Variants in RBFOX2 observed in about 807,000 individuals in gnomAD.
RBFOX2 encodes the protein RNA binding protein fox-1 homolog 2.
A neutral mutation model predicts 49.1 loss-of-function variants in RBFOX2; 10 were observed. The ratio of observed to expected loss-of-function variants is 0.20; its 90% CI spans 0.13 to 0.35. The LOEUF is 0.35. Ranked by LOEUF, RBFOX2 falls within the 10% of genes least tolerant of loss-of-function variation. The pLI, the probability that RBFOX2 is intolerant of heterozygous loss-of-function variation, is 1.00. For missense variants in RBFOX2, 323 were observed against 486.9 expected (o/e 0.66, Z 3.17); for synonymous variants, 183 against 187.4 (o/e 0.98, Z 0.19).
intron 2 of RBFOX2, among the ~76,000 whole-genome samples, chr22:35,802,607 G>A (rs1456611081): frequency 6.6e-6 from 1 of 152,168 alleles, no homozygotes; most frequent in East Asian, 1.9e-4. Flanking sequence ...CTTGGGACAA[G>A]GGGGAGATTG....
chr22:36,002,777 C>G (rs2058478444), intron 1 of RBFOX2, among the ~76,000 whole-genome samples: 3 of 152,262 alleles, frequency 2.0e-5, no homozygotes, highest in African/African-American at 7.2e-5. Flanking sequence ...GCATGTGCCA[C>G]TACACCCAGC....
chr22:35,879,748 G>A (rs899079120), intron 1 of RBFOX2, among the ~76,000 whole-genome samples: 4 of 152,230 alleles, frequency 2.6e-5, no homozygotes, highest in Non-Finnish European at 5.9e-5. Flanking sequence ...TATGTCAGAT[G>A]TTGTGATTAG....
At chr22:35,874,751 C>T (rs1430108707) in intron 1 of RBFOX2, among the ~76,000 whole-genome samples, 1 of 152,166 alleles carries the variant, frequency 6.6e-6, no homozygotes, top group African/African-American at 2.4e-5. Context: ...GTGATTAACA[C>T]ACAGTAAATA....
rs550529980 is a variant in RBFOX2, at chr22:35,970,335, A to G, written c.187-31438T>C. Among the ~76,000 whole-genome samples the G allele has an allele frequency of 2.4e-4, 37 of 152,248 alleles. No homozygotes were observed. In the South Asian group the frequency reaches 7.5e-3, roughly 31 times the overall value. ...CAGCACTAAAATTTTTCATCAGAGG[A>G]TATATTGTACATTTAGCTCAAGAAA... On this transcript the variant is annotated intron_variant, in intron 1 of 13. Transcript: ENST00000438146.
rs2048228673 is a variant in RBFOX2 at position 35,899,102 on chromosome 22, G to A, written c.-34+39745C>T. On this transcript the variant is annotated intron_variant, in intron 1 of 13. Transcript: ENST00000359369. ...CATTGCACTCCAGCCTGAGCAACAA[G>A]AGCAAAATTCTGTCTCAAAAATAAC... 2.1e-5 allele frequency among the ~76,000 whole-genome samples: 3 copies of A among 142,666 alleles called. No homozygotes were observed. The Admixed American group carries it at 2.2e-4, about 10-fold the overall frequency. 93.6% of individuals were successfully genotyped at this position (142,666 alleles called of 152,430 possible).
chr22:35,885,851 T>C (rs898621616), intron 1 of RBFOX2, among the ~76,000 whole-genome samples: 49 of 118,644 alleles, frequency 4.1e-4, no homozygotes, highest in African/African-American at 1.5e-3. Context: ...TAATTTTTTT[T>C]TTTTTTTTTT....
chr22:35,790,866 G>A (rs975914949), intron 2 of RBFOX2, among the ~76,000 whole-genome samples: 1 of 152,118 alleles, frequency 6.6e-6, no homozygotes, highest in African/African-American at 2.4e-5. Context: ...AAATTAGCCA[G>A]GAATGATGGC....
At chr22:35,848,373 T>C (rs1258486588) in intron 1 of RBFOX2, among the ~76,000 whole-genome samples, 1 of 152,100 alleles carries the variant, frequency 6.6e-6, no homozygotes, top group African/African-American at 2.4e-5. Flanking sequence ...ATTTGAATAA[T>C]CCAAAATAAC....
chr22:35,901,721 G>A (rs1041902843), intron 1 of RBFOX2, among the ~76,000 whole-genome samples: 2 of 152,146 alleles, frequency 1.3e-5, no homozygotes, highest in African/African-American at 4.8e-5. Flanking sequence ...AGGCAATTAA[G>A]TGATTTGTTA....
chr22:35,840,348 C>CT, exon 1 of RBFOX2: 1 of 1,557,934 alleles, frequency 6.4e-7, no homozygotes, highest in South Asian at 1.2e-5. Flanking sequence ...CTCTTTATAC[C>CT]GTTTTCCTTC....
intron 1 of RBFOX2, among the ~76,000 whole-genome samples, chr22:35,917,568 T>C (rs2050570706): frequency 6.6e-6 from 1 of 152,220 alleles, no homozygotes; most frequent in African/African-American, 2.4e-5. Flanking sequence ...GTTAGGTTAG[T>C]GTAGCAGCAC....
chr22:35,821,720 G>A lies in RBFOX2; in HGVS notation c.28-11716C>T, dbSNP rs1184285410. On this transcript the variant is annotated intron_variant, in intron 1 of 11. Coordinates refer to ENST00000405409, the Ensembl canonical transcript of RBFOX2. ...CTAAAAGGCAGAGGTTCCCAGGCCA[G>A]AGGCTGCCATTAGGGATTACTGACT... 1.5e-5 allele frequency: 8 copies of A among 516,832 alleles called. No homozygotes were observed. In the East Asian group the frequency reaches 3.8e-4, roughly 25 times the overall value. 32.0% of individuals were successfully genotyped at this position (516,832 alleles called of 1,614,324 possible).
At chr22:35,869,266 C>T (rs543427409) in intron 1 of RBFOX2, among the ~76,000 whole-genome samples, 6 of 152,068 alleles carry the variant, frequency 3.9e-5, no homozygotes, top group Admixed American at 3.9e-4. Context: ...TCAAGCGATT[C>T]TCTGCCTCAG....
chr22:35,883,763 T>C (rs749482544), intron 1 of RBFOX2, among the ~76,000 whole-genome samples: 1 of 152,220 alleles, frequency 6.6e-6, no homozygotes, highest in Non-Finnish European at 1.5e-5. Flanking sequence ...CAACTATAAA[T>C]GATAGTGTTG....
rs545174071 is a variant in RBFOX2, at chr22:35,909,825, T to C, written c.-34+29022A>G. Among the ~76,000 whole-genome samples the C allele has an allele frequency of 1.5e-4, 23 of 152,176 alleles. No homozygotes were observed. In the South Asian group the frequency reaches 4.6e-3, roughly 30 times the overall value. The stretch of plus-strand genomic sequence containing the variant: ...GACAGGTTTCGCCATGTTGGCCAGG[T>C]TGGTCTCCAACTCCTGACCTTAGGT... On this transcript the variant is annotated intron_variant, in intron 1 of 13. Transcript: ENST00000359369.
chr22:35,849,037 A>G (rs1355756740), intron 1 of RBFOX2, among the ~76,000 whole-genome samples: 1 of 152,196 alleles, frequency 6.6e-6, no homozygotes, highest in African/African-American at 2.4e-5. Context: ...CTAAATTTCA[A>G]CAAGTTAACA....
intron 2 of RBFOX2, among the ~76,000 whole-genome samples, chr22:35,803,763 A>C (rs1441271710): frequency 1.3e-5 from 2 of 152,122 alleles, no homozygotes; most frequent in African/African-American, 4.8e-5. Flanking sequence ...TGAAAAGTAT[A>C]ATAACTGAAA....
At chr22:35,917,323 G>A (rs778737972) in intron 1 of RBFOX2, among the ~76,000 whole-genome samples, 21 of 151,904 alleles carry the variant, frequency 1.4e-4, no homozygotes, top group Non-Finnish European at 2.1e-4. Flanking sequence ...TATCTCAGCC[G>A]TCAGGGTCAT....
upstream of RBFOX2, among the ~76,000 whole-genome samples, chr22:35,842,088 C>A (rs534467478): frequency 1.3e-5 from 2 of 152,258 alleles, no homozygotes; most frequent in African/African-American, 2.4e-5. Context: ...ACACCATTGG[C>A]TGGCACACTG....
Sources: gnomAD v4.1 joint callset for allele counts (sites outside exome capture counted in the v4.1 genomes callset) on GRCh38, gnomAD v4.1.1 for gene constraint, MANE v1.5 for transcripts, NCBI Gene and HGNC (gene_info 2026-07-23, HGNC 2026-07-21) for gene names.